Variants in SERPINE3 observed in about 807,000 individuals in gnomAD.
The protein encoded by SERPINE3 is serpin E3.
In SERPINE3, 43 loss-of-function variants were observed where a neutral mutation model predicts 41.7. The ratio of observed to expected loss-of-function variants is 1.03; its 90% CI spans 0.81 to 1.33. The LOEUF (loss-of-function observed/expected upper bound fraction) is 1.33, where lower values mean the gene tolerates loss of function less well. SERPINE3 is among the 40% of genes most tolerant of loss of function. The pLI, the probability that SERPINE3 is intolerant of heterozygous loss-of-function variation, is 0.00. For missense variants in SERPINE3, 440 were observed against 491.7 expected (o/e 0.89, Z 0.99); for synonymous variants, 200 against 192.2 (o/e 1.04, Z -0.34).
chr13:51,347,260 C>T, intron 5 of SERPINE3, 26 bp downstream of exon 5: 2 of 1,603,394 alleles, frequency 1.2e-6, no homozygotes, highest in East Asian at 2.2e-5. Context: ...GCTGGTTTGT[C>T]TAAAGGGAGA....
rs1955584535 is a variant in SERPINE3, at chr13:51,361,862, AT to A, written c.1142del (p.Phe381SerfsTer5). 3 of 1,611,696 alleles carry A rather than the reference AT, an allele frequency of 1.9e-6. No individual in the cohort carries two copies. In the African/African-American group the frequency reaches 4.0e-5, roughly 22 times the overall value. On this transcript the variant is annotated frameshift_variant, in exon 9 of 10. Transcript: ENST00000681248. LOFTEE classifies it high-confidence loss of function. ...TTCCTATTTTTAAAGCAGATCGGCCATTCATCTATTTCCTGAGAGAACCTAA... is the reference window on the plus strand; with the variant it reads ...TTCCTATTTTTAAAGCAGATCGGCCATCATCTATTTCCTGAGAGAACCTAA... ...RIPIFKADRP[F>X]IYFLREPNTG...
chr13:51,364,516 TA>T lies in SERPINE3; in HGVS notation c.*238del. 1 of 421,184 alleles carries T rather than the reference TA, an allele frequency of 2.4e-6. No homozygotes were observed. Among genetic ancestry groups the T allele is most frequent in the South Asian group, 3.9e-5 (1 of 25,930 alleles). The allele number at this position is 421,184 out of a possible 1,614,324, so 26.1% of individuals were successfully genotyped here. ...TTCTACTGCTTACCCCCCAAACCAC[TA>T]AAAGGCACAGCAGTGATCATGAATG... is the stretch of plus-strand genomic sequence containing the variant. On this transcript the variant is annotated 3_prime_UTR_variant, in exon 10 of 10. Transcript: ENST00000681248.
Position 51,361,795 on chromosome 13 carries a change from CTT to C in SERPINE3, c.1088-13_1088-12del, listed in dbSNP as rs754763568. ...GCACAGAAAATGCAATGGAATTTTT[CTT>C]TCTTTCCTGCAGCTCTGTTGTTATT... On this transcript the variant is annotated splice_polypyrimidine_tract_variant and intron_variant, in intron 8 of 9. Transcript: ENST00000681248. 7.0e-6 allele frequency: 11 copies of C among 1,570,338 alleles called. No individual in the cohort carries two copies. Among genetic ancestry groups the C allele is most frequent in the Non-Finnish European group, 8.6e-6 (10 of 1,164,416 alleles).
In SERPINE3 at chr13:51,347,233, C is replaced by T. The variant is rs543745094; in HGVS notation, c.699C>T (p.Tyr233=). 20 of 1,612,812 alleles carry T rather than the reference C, an allele frequency of 1.2e-5. No homozygotes were observed. The highest frequency in any genetic ancestry group is 9.3e-5 in the African/African-American group (7 of 75,050). Residue 233 remains tyrosine (Y), a splice_region_variant and synonymous_variant, in exon 5 of 10, where the codon TAC becomes TAT. Transcript: ENST00000681248. ...PMMHQTTEVN[Y]GQFQDTAGHQ... is the part of the protein sequence containing the mutation. Reference sequence around the variant, plus strand: ...TGCACCAAACGACCGAGGTCAACTACGGTGAGCTCTGCCCCTGCTGGTTTG... The same window carrying T: ...TGCACCAAACGACCGAGGTCAACTATGGTGAGCTCTGCCCCTGCTGGTTTG...
At chr13:51,358,103 C>T (rs1408999424) in intron 7 of SERPINE3, among the ~76,000 whole-genome samples, 1 of 151,978 alleles carries the variant, frequency 6.6e-6, no homozygotes, top group Admixed American at 6.6e-5. Context: ...ATTTCAAAGG[C>T]CATTTCAGAT....
At chr13:51,350,517 T>C (rs1456920496) in intron 6 of SERPINE3, among the ~76,000 whole-genome samples, 1 of 152,160 alleles carries the variant, frequency 6.6e-6, no homozygotes, top group African/African-American at 2.4e-5. Context: ...ATAATATATA[T>C]CTTCTTAAAA....
chr13:51,341,380 C>T (rs1490713883), intron 3 of SERPINE3, 33 bp downstream of exon 3: 4 of 1,544,980 alleles, frequency 2.6e-6, no homozygotes, highest in Non-Finnish European at 3.5e-6. Context: ...CACTCACTTA[C>T]CCTCCTGTTC....
intron 4 of SERPINE3, among the ~76,000 whole-genome samples, chr13:51,345,791 C>CA (rs972486362): frequency 9.9e-5 from 15 of 152,212 alleles, no homozygotes; most frequent in Non-Finnish European, 2.2e-4. Context: ...TCCCTGCTCA[C>CA]ATCCTTGTGC....
At chr13:51,361,675 C>G in intron 8 of SERPINE3, 135 bp from the exon 9 acceptor site, 1 of 743,998 alleles carries the variant, frequency 1.3e-6, no homozygotes, top group Non-Finnish European at 2.1e-6. Context: ...CATCTGCACC[C>G]CCATCACAAC....
At chr13:51,353,240 C>T (rs1001491418) in intron 6 of SERPINE3, among the ~76,000 whole-genome samples, 1 of 152,054 alleles carries the variant, frequency 6.6e-6, no homozygotes, top group Non-Finnish European at 1.5e-5. Context: ...AGTTTTATTA[C>T]CCACCATAAT....
chr13:51,349,627 G>T (rs1955385977), intron 6 of SERPINE3, among the ~76,000 whole-genome samples: 1 of 152,150 alleles, frequency 6.6e-6, no homozygotes, highest in Non-Finnish European at 1.5e-5. Flanking sequence ...TCCTCGAGCA[G>T]TTCTTCCCTG....
chr13:51,346,439 G>A (rs941197421), intron 4 of SERPINE3, among the ~76,000 whole-genome samples: 1 of 152,160 alleles, frequency 6.6e-6, no homozygotes, highest in African/African-American at 2.4e-5. Flanking sequence ...ACAGAACCAG[G>A]AGCAGCATCC....
chr13:51,361,358 G>A lies in SERPINE3; in HGVS notation c.1081G>A (p.Ala361Thr), dbSNP rs377232526. ...VLEEGTKASG[A>T]TALLLLKRSR... is the part of the protein sequence containing the mutation. The stretch of plus-strand genomic sequence containing the variant: ...GGAGGAAGGCACCAAGGCATCTGGA[G>A]CCACAGGTATGTTCAGAGAATACCC... Residue 361 changes from alanine to threonine, a missense_variant, in exon 8 of 10, where the codon GCC becomes ACC. Coordinates refer to ENST00000681248, the MANE Select transcript of SERPINE3 (RefSeq NM_001386375.1). 2 of 1,602,138 alleles carry A rather than the reference G, an allele frequency of 1.2e-6. No individual in the cohort carries two copies. The highest frequency in any genetic ancestry group is 1.7e-6 in the Non-Finnish European group (2 of 1,170,902).
chr13:51,341,281 C>T lies in SERPINE3; in HGVS notation c.190C>T (p.Leu64=). Residue 64 remains leucine (L), a synonymous_variant, in exon 3 of 10, where the codon CTG becomes TTG. Transcript: ENST00000681248. ...TGGTGTGTCCCTCCCCCTGGAGATC[C>T]TGCAGTTTGGAGCAGAAGGGAGCAC... ...PAGVSLPLEI[L]QFGAEGSTGQ... 1 of 1,613,890 alleles carries T rather than the reference C, an allele frequency of 6.2e-7. No homozygotes were observed. The highest frequency in any genetic ancestry group is 8.5e-7 in the Non-Finnish European group (1 of 1,179,842).
Position 51,364,575 on chromosome 13 carries a change from A to G in SERPINE3, c.*293A>G. The G allele has an allele frequency of 3.5e-6, 1 of 283,510 alleles. No individual in the cohort carries two copies. The highest frequency in any genetic ancestry group is 6.5e-6 in the Non-Finnish European group (1 of 153,832). The allele number at this position is 283,510 out of a possible 1,614,324, so 17.6% of individuals were successfully genotyped here. Reference sequence around the variant, plus strand: ...AGTCAGGCCATAAGATTGCTTCCTCAGTACGGATACTCTAGGCCATGTTGA... The same window carrying G: ...AGTCAGGCCATAAGATTGCTTCCTCGGTACGGATACTCTAGGCCATGTTGA... On this transcript the variant is annotated 3_prime_UTR_variant, in exon 10 of 10. Coordinates refer to ENST00000681248, the MANE Select transcript of SERPINE3 (RefSeq NM_001386375.1).
chr13:51,348,915 G>A lies in SERPINE3; in HGVS notation c.899+504G>A, dbSNP rs547177010. 2.9e-5 allele frequency among the ~76,000 whole-genome samples: 3 copies of A among 102,988 alleles called. No individual in the cohort carries two copies. The South Asian group carries it at 9.1e-4, about 31-fold the overall frequency. 67.6% of individuals were successfully genotyped at this position (102,988 alleles called of 152,430 possible). A position where few individuals can be genotyped will look rare whatever the true frequency, so the allele number is the denominator to read the frequency against. ...TAAAATTTTGACACTTTAAGTCTCT[G>A]TGCAGAAGGTTCTCATTCTTTCTAA... On this transcript the variant is annotated intron_variant, in intron 6 of 9. Transcript: ENST00000681248.
At position 51,348,370 on chromosome 13, in the gene SERPINE3, C is replaced by T; in HGVS notation, c.858C>T (p.Thr286=). The change falls in exon 6 of 10, where the codon ACC becomes ACT. Residue 286 remains threonine, a synonymous_variant. Coordinates refer to ENST00000681248, the MANE Select transcript of SERPINE3 (RefSeq NM_001386375.1). ...HLTASTIHLW[T]TSLRRARMDV... The stretch of plus-strand genomic sequence containing the variant: ...CAGCCAGCACCATCCACCTCTGGAC[C>T]ACCAGCCTGAGGAGAGCCAGGATGG... 6.2e-7 allele frequency: 1 copy of T among 1,613,890 alleles called. No homozygotes were observed. Among genetic ancestry groups the T allele is most frequent in the Non-Finnish European group, 8.5e-7 (1 of 1,179,854 alleles).
intron 6 of SERPINE3, among the ~76,000 whole-genome samples, chr13:51,352,767 C>T (rs1486136522): frequency 6.6e-6 from 1 of 151,878 alleles, no homozygotes; most frequent in Non-Finnish European, 1.5e-5. Context: ...ACCTTCTATC[C>T]AAAGTTTGTT....
At position 51,348,208 on chromosome 13, in the gene SERPINE3, C is replaced by T. The variant is rs1275118430; in HGVS notation, c.701-5C>T. ...GAGCTGACCTCTGATCCACTGTACC[C>T]TCAGGTCAGTTCCAGGACACTGCAG... On this transcript the variant is annotated splice_region_variant and splice_polypyrimidine_tract_variant and intron_variant, in intron 5 of 9. Coordinates refer to ENST00000681248, the MANE Select transcript of SERPINE3 (RefSeq NM_001386375.1). 6.3e-7 allele frequency: 1 copy of T among 1,577,142 alleles called. No individual in the cohort carries two copies. Among genetic ancestry groups the T allele is most frequent in the Non-Finnish European group, 8.6e-7 (1 of 1,160,562 alleles).
Sources: gnomAD v4.1 joint callset for allele counts (sites outside exome capture counted in the v4.1 genomes callset) on GRCh38, gnomAD v4.1.1 for gene constraint, MANE v1.5 for transcripts, NCBI Gene and HGNC (gene_info 2026-07-23, HGNC 2026-07-21) for gene names.